The following PTHLH variants were observed in gnomAD, a reference collection of about 807,000 sequenced individuals.
PTHLH encodes the protein parathyroid hormone like hormone.
In PTHLH, 5 loss-of-function variants were observed where a neutral mutation model predicts 18.6. The ratio of observed to expected loss-of-function variants is 0.27; its 90% confidence interval spans 0.14 to 0.56. The LOEUF (loss-of-function observed/expected upper bound fraction) is 0.56, where lower values mean the gene tolerates loss of function less well. PTHLH is among the 20% of genes least tolerant of loss of function. The probability of loss-of-function intolerance (pLI) is 0.92; values close to 1 mark genes in which losing one functional copy is unlikely to be tolerated. For missense variants in PTHLH, 207 were observed against 223.9 expected (o/e 0.92, Z 0.48); for synonymous variants, 90 against 94.0 (o/e 0.96, Z 0.25).
intron 4 of PTHLH, among the ~76,000 whole-genome samples, chr12:27,967,018 G>A (rs560173088): frequency 4.8e-4 from 73 of 152,356 alleles, no homozygotes; most frequent in African/African-American, 1.8e-3. Flanking sequence ...GAGTTAAGAT[G>A]ACTCACCAGA....
At position 27,969,410 on chromosome 12, in the gene PTHLH, C is replaced by T. The variant is rs984441473; in HGVS notation, c.85G>A (p.Gly29Ser). Reference protein sequence around the residue: ...AVPSCGRSVEGLSRRLKRAVS... With the variant: ...AVPSCGRSVESLSRRLKRAVS... Reference sequence around the variant, plus strand: ...GGCACTTACAGGCGGCGGCTGAGACCCTCCACCGAGCGCCCGCAGGAGGGC... The same window carrying T: ...GGCACTTACAGGCGGCGGCTGAGACTCTCCACCGAGCGCCCGCAGGAGGGC... The change falls in exon 4 of 6, where the codon GGT becomes AGT. Residue 29 changes from glycine (G) to serine (S), a missense_variant. Coordinates refer to ENST00000545234, the MANE Select transcript of PTHLH (RefSeq NM_198965.2). 1.1e-5 allele frequency: 18 copies of T among 1,584,750 alleles called. No individual in the cohort carries two copies. The highest frequency in any genetic ancestry group is 1.5e-5 in the Non-Finnish European group (17 of 1,168,454).
chr12:27,963,595 C>T lies in PTHLH; in HGVS notation c.277G>A (p.Val93Ile), dbSNP rs976794916. ...CCCTCATCATCAGACCCAAATCGGA[C>T]GGGGTGGTTCTTTGTGTTGGGAGAG... Reference protein sequence around the residue: ...KPSPNTKNHPVRFGSDDEGRY... With the variant: ...KPSPNTKNHPIRFGSDDEGRY... The change falls in exon 5 of 6, where the codon GTC (valine) becomes ATC (isoleucine). Residue 93 changes from valine to isoleucine, a missense_variant. Val to Ile is a conservative substitution (Grantham distance 29). Transcript: ENST00000545234. The T allele has an allele frequency of 6.2e-7, 1 of 1,614,000 alleles. No homozygotes were observed.
intron 5 of PTHLH, among the ~76,000 whole-genome samples, chr12:27,960,622 G>T (rs1420332361): frequency 6.7e-6 from 1 of 149,384 alleles, no homozygotes; most frequent in African/African-American, 2.5e-5. Flanking sequence ...GGAAGTTGAG[G>T]CAGGAGAATC....
intron 5 of PTHLH, among the ~76,000 whole-genome samples, chr12:27,961,338 T>G (rs1445197796): frequency 7.2e-6 from 1 of 138,906 alleles, no homozygotes; most frequent in Non-Finnish European, 1.6e-5. Context: ...TATATACTTT[T>G]TGCCTCATAG....
chr12:27,960,894 T>A (rs1033452013), intron 5 of PTHLH, among the ~76,000 whole-genome samples: 40 of 152,046 alleles, frequency 2.6e-4, no homozygotes, highest in African/African-American at 7.2e-4. Flanking sequence ...TCTGAAAAGA[T>A]TTTATCTGGA....
At chr12:27,961,792 G>T (rs561767968) in intron 5 of PTHLH, 1 of 545,954 alleles carries the variant, frequency 1.8e-6, no homozygotes, top group Non-Finnish European at 3.2e-6. Flanking sequence ...TTTAATGATG[G>T]GTTTGCCAGC....
chr12:27,969,543 G>C (rs771686723), intron 3 of PTHLH, 27 bp from the exon 4 acceptor site: 1 of 1,519,696 alleles, frequency 6.6e-7, no homozygotes, highest in African/African-American at 1.4e-5. Context: ...TGGGACCCGA[G>C]TGTCAGTCTG....
Position 27,970,042 on chromosome 12 carries a change from T to C in PTHLH, c.-40A>G, listed in dbSNP as rs1244124666. The C allele has an allele frequency of 5.8e-6, 3 of 519,030 alleles. No individual in the cohort carries two copies. The East Asian group carries it at 1.6e-4, about 28-fold the overall frequency. The allele number at this position is 519,030 out of a possible 1,614,324, so 32.2% of individuals were successfully genotyped here. A position where few individuals can be genotyped will look rare whatever the true frequency, so the allele number is the denominator to read the frequency against. On this transcript the variant is annotated 5_prime_UTR_variant, in exon 3 of 6. Transcript: ENST00000545234. ...CTGTCTACCTCCTCTGGTGGGCTGG[T>C]TGCTTCCGGAAAGTTGATTCCACAC...
intron 2 of PTHLH, among the ~76,000 whole-genome samples, chr12:27,970,794 G>C (rs2062865516): frequency 6.6e-6 from 1 of 152,174 alleles, no homozygotes; most frequent in Non-Finnish European, 1.5e-5. Flanking sequence ...GCGGGCTGTT[G>C]GCCTGTGAAT....
intron 5 of PTHLH, chr12:27,961,827 AG>A (rs1438458390): frequency 2.3e-5 from 13 of 572,752 alleles, no homozygotes; most frequent in Non-Finnish European, 3.4e-5. Context: ...AATGGTGAAT[AG>A]GTTCAAGGTC....
At chr12:27,964,310 AAAT>A (rs2062792786) in intron 4 of PTHLH, among the ~76,000 whole-genome samples, 2 of 151,802 alleles carry the variant, frequency 1.3e-5, no homozygotes, top group Admixed American at 6.6e-5. Context: ...CCCATTAAGA[AAAT>A]AATAATATTG....
Position 27,971,998 on chromosome 12 carries a change from C to A in PTHLH, c.-337G>T, listed in dbSNP as rs534067345. 3.4e-5 allele frequency: 4 copies of A among 118,952 alleles called. No individual in the cohort carries two copies. Among genetic ancestry groups the A allele is most frequent in the African/African-American group, 1.3e-4 (4 of 30,154 alleles). 7.4% of individuals were successfully genotyped at this position (118,952 alleles called of 1,614,324 possible). On this transcript the variant is annotated 5_prime_UTR_variant, in exon 2 of 6. Transcript: ENST00000545234. ...AAAGATGCAGGAGCCCTAATGTAATCGTTAGATCTGAAGGGGGAAATCTGT... is the reference window on the plus strand; with the variant it reads ...AAAGATGCAGGAGCCCTAATGTAATAGTTAGATCTGAAGGGGGAAATCTGT...
intron 4 of PTHLH, 116 bp from the exon 5 acceptor site, chr12:27,963,886 G>T: frequency 9.5e-7 from 1 of 1,050,682 alleles, no homozygotes; most frequent in Non-Finnish European, 1.4e-6. Flanking sequence ...TAAGACACAA[G>T]CTGGATGGGT....
chr12:27,963,041 TAG>T, intron 5 of PTHLH: 3 of 1,262,048 alleles, frequency 2.4e-6, no homozygotes, highest in Non-Finnish European at 3.0e-6. Context: ...AGATGGTCAC[TAG>T]CTTCTGAAGC....
At chr12:27,969,588 T>A in intron 3 of PTHLH, 72 bp from the exon 4 acceptor site, 1 of 1,266,500 alleles carries the variant, frequency 7.9e-7, no homozygotes, top group Non-Finnish European at 1.1e-6. Flanking sequence ...CCGCTCCCCC[T>A]TTTTAGCCCG....
At chr12:27,958,710 C>T in intron 5 of PTHLH, 142 bp from the exon 6 acceptor site, 1 of 751,588 alleles carries the variant, frequency 1.3e-6, no homozygotes, top group South Asian at 2.2e-5. Context: ...TAAATATCTC[C>T]TGCAAGAGGT....
intron 1 of PTHLH, 120 bp downstream of exon 1, chr12:27,972,403 T>G (rs2062877837): frequency 6.6e-6 from 1 of 152,188 alleles, no homozygotes; most frequent in Admixed American, 6.5e-5. Context: ...TGGCAAAACA[T>G]CTATCAAATA....
rs1221787043 is a variant in PTHLH, at chr12:27,963,541, C to T, written c.331G>A (p.Val111Met). The T allele has an allele frequency of 5.6e-6, 9 of 1,614,168 alleles. No individual in the cohort carries two copies. Among genetic ancestry groups the T allele is most frequent in the Non-Finnish European group, 7.6e-6 (9 of 1,180,030 alleles). ...GRYLTQETNK[V>M]ETYKEQPLKT... Reference sequence around the variant, plus strand: ...AGCGGCTGCTCTTTGTACGTCTCCACCTTGTTAGTTTCCTGAGTTAGGTAT... The same window carrying T: ...AGCGGCTGCTCTTTGTACGTCTCCATCTTGTTAGTTTCCTGAGTTAGGTAT... The change falls in exon 5 of 6, where the codon GTG (valine) becomes ATG (methionine). Residue 111 changes from valine (V) to methionine (M), a missense_variant. Transcript: ENST00000545234.
chr12:27,969,738 GC>G (rs2062851958), intron 3 of PTHLH: 1 of 729,146 alleles, frequency 1.4e-6, no homozygotes, highest in African/African-American at 1.7e-5. Flanking sequence ...GCCAGAAAGA[GC>G]AAAAAGGGAA....
Sources: allele counts gnomAD v4.1 joint callset (sites outside exome capture counted in the v4.1 genomes callset), GRCh38; gene constraint gnomAD v4.1.1; transcripts MANE v1.5; gene names NCBI Gene and HGNC (gene_info 2026-07-23, HGNC 2026-07-21).